Variants in MTPAP observed in about 807,000 individuals in gnomAD.
MTPAP encodes poly(A) RNA polymerase, mitochondrial.
In MTPAP, 23 loss-of-function variants were observed where a neutral mutation model predicts 48.7. The ratio of observed to expected loss-of-function variants is 0.47; its 90% confidence interval spans 0.34 to 0.67. The LOEUF is 0.67. Among genes scored for constraint, MTPAP ranks in the 30% least tolerant of loss-of-function variants. The probability of loss-of-function intolerance (pLI) is 0.01; values close to 1 mark genes in which losing one functional copy is unlikely to be tolerated. For missense variants in MTPAP, 614 were observed against 694.3 expected (o/e 0.88, Z 1.30); for synonymous variants, 257 against 254.1 (o/e 1.01, Z -0.11).
At position 30,313,647 on chromosome 10, in the gene MTPAP, T is replaced by C. The variant is rs775097559; in HGVS notation, c.1711A>G (p.Lys571Glu). The C allele has an allele frequency of 4.3e-6, 7 of 1,614,096 alleles. No homozygotes were observed. In the African/African-American group the frequency reaches 9.3e-5, roughly 22 times the overall value. The change falls in exon 9 of 9, where the codon AAA becomes GAA. Residue 571 changes from lysine (K) to glutamate (E), a missense_variant. Transcript: ENST00000263063. ...LKGNRTENFT[K>E]TSGKRTISTQ... is the part of the protein sequence containing the mutation. ...CTAATTGTTCTCTTCCCACTGGTTT[T>C]TGTGAAATTTTCTGTTCTGTTACCT...
rs780069224 is a variant in MTPAP at position 30,326,490 on chromosome 10, C to T, written c.926G>A (p.Arg309Gln). The T allele has an allele frequency of 1.2e-5, 19 of 1,614,098 alleles. No homozygotes were observed. The highest frequency in any genetic ancestry group is 2.2e-5 in the South Asian group (2 of 91,080). The change falls in exon 5 of 9, where the codon CGG (arginine) becomes CAG (glutamine). Residue 309 changes from arginine to glutamine, a missense_variant. Transcript: ENST00000263063. ...CVGVQKILNA[R>Q]CPLVRFSHQA... ...GTGTGAGAACCTCACGAGCGGACACCGGGCATTTAATATTTTTTGCACACC... is the reference window on the plus strand; with the variant it reads ...GTGTGAGAACCTCACGAGCGGACACTGGGCATTTAATATTTTTTGCACACC...
At chr10:30,325,170 T>C (rs181273264) in intron 5 of MTPAP, among the ~76,000 whole-genome samples, 1 of 152,254 alleles carries the variant, frequency 6.6e-6, no homozygotes, top group East Asian at 1.9e-4. Flanking sequence ...TGTCCTATTT[T>C]ACATACTACA....
rs1232316032 is a variant in MTPAP, at chr10:30,313,912, A to T, written c.1446T>A (p.Thr482=). 6.2e-6 allele frequency: 10 copies of T among 1,614,102 alleles called. No individual in the cohort carries two copies. The highest frequency in any genetic ancestry group is 8.5e-6 in the Non-Finnish European group (10 of 1,179,948). ...SPLYIQNPFE[T]SLNISKNVSQ... The stretch of plus-strand genomic sequence containing the variant: ...TTACATTTTTGCTTATGTTGAGAGA[A>T]GTTTCAAATGGATTCTGAATGTACA... Residue 482 remains threonine (T), a synonymous_variant, in exon 9 of 9, where the codon ACT becomes ACA. Coordinates refer to ENST00000263063, the MANE Select transcript of MTPAP (RefSeq NM_018109.4).
At position 30,340,352 on chromosome 10, in the gene MTPAP, T is replaced by G. The variant is rs753279180; in HGVS notation, c.429A>C (p.Pro143=). The G allele has an allele frequency of 6.2e-7, 1 of 1,614,140 alleles. No homozygotes were observed. The highest frequency in any genetic ancestry group is 8.5e-7 in the Non-Finnish European group (1 of 1,179,980). The part of the protein sequence containing the change: ...TPSTAMETAI[P]FRSRFFNLKL... ...TCAGATTGAAGAAACGTGATCTGAA[T>G]GGAATTGCAGTCTCCATGGCCGTGC... Residue 143 remains proline (P), a synonymous_variant, in exon 3 of 9, where the codon CCA becomes CCC. Transcript: ENST00000263063.
At chr10:30,324,207 A>T (rs1411130691) in intron 5 of MTPAP, among the ~76,000 whole-genome samples, 1 of 152,002 alleles carries the variant, frequency 6.6e-6, no homozygotes, top group East Asian at 1.9e-4. Context: ...TATATATATA[A>T]AATCGATAAA....
chr10:30,335,993 G>A (rs1017152714), intron 4 of MTPAP, among the ~76,000 whole-genome samples: 1 of 152,148 alleles, frequency 6.6e-6, no homozygotes, highest in Non-Finnish European at 1.5e-5. Context: ...CTGGGCGACA[G>A]AGTGAGACTC....
At position 30,336,923 on chromosome 10, in the gene MTPAP, C is replaced by T. The variant is rs556574328; in HGVS notation, c.660G>A (p.Ala220=). ...TCSLIEDMAA[A]YFPDCIVRPF... ...GTCTGACTATGCAGTCTGGAAAATA[C>T]GCGGCGGCCATGTCTTCAATAAGAG... The change falls in exon 4 of 9, where the codon GCG becomes GCA. Residue 220 remains alanine, a synonymous_variant. Coordinates refer to ENST00000263063, the MANE Select transcript of MTPAP (RefSeq NM_018109.4). 1.4e-5 allele frequency: 22 copies of T among 1,613,346 alleles called. 1 individual carries two copies. Among genetic ancestry groups the T allele is most frequent in the South Asian group, 1.2e-4 (11 of 91,034 alleles).
intron 5 of MTPAP, among the ~76,000 whole-genome samples, chr10:30,323,451 CAAA>C (rs755342499): frequency 1.4e-4 from 12 of 84,716 alleles, no homozygotes; most frequent in African/African-American, 4.8e-4. Flanking sequence ...GACCCTGCCT[CAAA>C]AAAAAAAAAA....
rs769259264 is a variant in MTPAP at position 30,341,547 on chromosome 10, T to A, written c.251A>T (p.Glu84Val). ...AAGAAACTTGTTTTCACTGATTTTCTCTGGGCAATGTATTAAAACAGTCCG... is the reference window on the plus strand; with the variant it reads ...AAGAAACTTGTTTTCACTGATTTTCACTGGGCAATGTATTAAAACAGTCCG... ...AQRTVLIHCP[E>V]KISENKFLKY... The change falls in exon 2 of 9, where the codon GAG becomes GTG. Residue 84 changes from glutamate (E) to valine (V), a missense_variant. By Grantham distance (121) the Glu-to-Val change is moderately radical. This residue lies in a region of MTPAP where 125 missense variants were observed against 111.5 expected (regional missense o/e 1.12). Transcript: ENST00000263063. 1 of 1,614,166 alleles carries A rather than the reference T, an allele frequency of 6.2e-7. No individual in the cohort carries two copies. Among genetic ancestry groups the A allele is most frequent in the Non-Finnish European group, 8.5e-7 (1 of 1,179,998 alleles).
At chr10:30,314,290 A>G (rs1354350604) in intron 8 of MTPAP, among the ~76,000 whole-genome samples, 2 of 152,186 alleles carry the variant, frequency 1.3e-5, no homozygotes, top group African/African-American at 4.8e-5. Context: ...TATTTTTAAA[A>G]TAATATAACT....
rs1427404917 is a variant in MTPAP, at chr10:30,310,584, A to C, written c.*3025T>G. 1.4e-5 allele frequency: 2 copies of C among 140,154 alleles called. No individual in the cohort carries two copies. Among genetic ancestry groups the C allele is most frequent in the African/African-American group, 3.0e-5 (1 of 33,356 alleles). 8.7% of individuals were successfully genotyped at this position (140,154 alleles called of 1,614,324 possible). ...GGTGACAGAGGGAGACCCATCTCAA[A>C]AAAAAAAAAAAAAAAGGGTCTTTGT... On this transcript the variant is annotated 3_prime_UTR_variant, in exon 9 of 9. Transcript: ENST00000263063.
At chr10:30,348,836 C>A in intron 1 of MTPAP, 1 of 486,084 alleles carries the variant, frequency 2.1e-6, no homozygotes, top group Non-Finnish European at 3.7e-6. Context: ...CTGTAAAGTG[C>A]AAGCAAACTG....
rs1238013320 is a variant in MTPAP at position 30,312,802 on chromosome 10, T to C, written c.*807A>G. 6.6e-6 allele frequency: 1 copy of C among 152,086 alleles called. No homozygotes were observed. The highest frequency in any genetic ancestry group is 1.5e-5 in the Non-Finnish European group (1 of 68,020). 9.4% of individuals were successfully genotyped at this position (152,086 alleles called of 1,614,324 possible). ...AAGAGGGGAGTTCTCAAAAGAGATG[T>C]GAAGGAATACTGGGAATATCACATT... is the stretch of plus-strand genomic sequence containing the variant. On this transcript the variant is annotated 3_prime_UTR_variant, in exon 9 of 9. Coordinates refer to ENST00000263063, the MANE Select transcript of MTPAP (RefSeq NM_018109.4).
intron 1 of MTPAP, among the ~76,000 whole-genome samples, chr10:30,344,344 A>G (rs1834846179): frequency 6.6e-6 from 1 of 152,066 alleles, no homozygotes; most frequent in Non-Finnish European, 1.5e-5. Context: ...CACCCTCCAA[A>G]TCTTGCTCAG....
rs141725537 is a variant in MTPAP, at chr10:30,343,724, C to T, written c.158-2084G>A. ...CCGGTATTACAGGCGTGCGCCACCA[C>T]GCCCAGCTAATTTTTGTATGTTTAG... On this transcript the variant is annotated intron_variant, in intron 1 of 8. Transcript: ENST00000263063. 5.9e-3 allele frequency among the ~76,000 whole-genome samples: 903 copies of T among 152,234 alleles called. 5 individuals are homozygous for T. The highest frequency in any genetic ancestry group is 0.02 in the African/African-American group (848 of 41,534).
intron 1 of MTPAP, among the ~76,000 whole-genome samples, chr10:30,343,712 C>T (rs1283568727): frequency 6.6e-6 from 1 of 152,128 alleles, no homozygotes; most frequent in African/African-American, 2.4e-5. Context: ...GTATTACAGG[C>T]GTGCGCCACC....
intron 7 of MTPAP, 24 bp downstream of exon 7, chr10:30,316,094 T>G: frequency 6.2e-7 from 1 of 1,608,878 alleles, no homozygotes; most frequent in Non-Finnish European, 8.5e-7. Context: ...CCAGAAAGGA[T>G]CAAGTAAACA....
intron 4 of MTPAP, among the ~76,000 whole-genome samples, chr10:30,329,773 A>G (rs1030160460): frequency 2.0e-5 from 3 of 149,476 alleles, no homozygotes; most frequent in Admixed American, 6.7e-5. Flanking sequence ...TGAAAGAGGG[A>G]AAAAAAAAAG....
chr10:30,328,801 G>A (rs1428692296), intron 4 of MTPAP, among the ~76,000 whole-genome samples: 1 of 152,082 alleles, frequency 6.6e-6, no homozygotes, highest in Non-Finnish European at 1.5e-5. Flanking sequence ...CAGAAGCTTT[G>A]GGGCAGCCAT....
Sources: gnomAD v4.1 joint callset for allele counts (sites outside exome capture counted in the v4.1 genomes callset) on GRCh38, gnomAD v4.1.1 for gene constraint, gnomAD v4.1.1 regional missense constraint, MANE v1.5 for transcripts, NCBI Gene and HGNC (gene_info 2026-07-23, HGNC 2026-07-21) for gene names.